The following PRDM16 variants were observed in gnomAD, a reference collection of about 807,000 sequenced individuals.
PRDM16 encodes the protein histone-lysine N-methyltransferase PRDM16.
PRDM16 carries 23 observed loss-of-function variants against 110.6 expected under a neutral mutation model. That is an observed-to-expected ratio of 0.21 (90% CI 0.15 to 0.29). The LOEUF is 0.29. Among genes scored for constraint, PRDM16 ranks in the 10% least tolerant of loss-of-function variants. The pLI is 1.00. For synonymous variants in PRDM16, 799 were observed against 781.8 expected, an observed-to-expected ratio of 1.02 and a Z score of -0.37; for missense variants, 1,615 against 1,794.3, an observed-to-expected ratio of 0.90 and a Z score of 1.81.
intron 1 of PRDM16, among the ~76,000 whole-genome samples, chr1:3,084,928 G>A (rs1570222356): frequency 2.0e-5 from 3 of 152,310 alleles, no homozygotes; most frequent in Admixed American, 1.3e-4. Flanking sequence ...CTGCCAGGTG[G>A]AGAGGAGCTC....
intron 1 of PRDM16, among the ~76,000 whole-genome samples, chr1:3,134,517 C>A (rs1222116475): frequency 1.3e-5 from 2 of 152,228 alleles, no homozygotes; most frequent in South Asian, 2.1e-4. Context: ...GAACTCGCAC[C>A]CTTGTGCACT....
chr1:3,287,298 T>C (rs764966642), intron 3 of PRDM16, among the ~76,000 whole-genome samples: 122 of 137,670 alleles, frequency 8.9e-4, no homozygotes, highest in Admixed American at 2.1e-3. Context: ...CAGGATTGCA[T>C]TTACCGGGGC....
At chr1:3,295,790 T>TGCA (rs1193853958) in intron 3 of PRDM16, among the ~76,000 whole-genome samples, 2 of 152,144 alleles carry the variant, frequency 1.3e-5, no homozygotes, top group African/African-American at 2.4e-5. Flanking sequence ...ACACCACGCG[T>TGCA]GCAGCCTGAG....
At chr1:3,238,496 G>A (rs892373177) in intron 2 of PRDM16, among the ~76,000 whole-genome samples, 4 of 152,310 alleles carry the variant, frequency 2.6e-5, no homozygotes, top group Admixed American at 1.3e-4. Flanking sequence ...GCTCAAACAC[G>A]GCCAAGCTGA....
At chr1:3,408,716 G>T (rs79621829) in intron 8 of PRDM16, among the ~76,000 whole-genome samples, 1 of 151,894 alleles carries the variant, frequency 6.6e-6, no homozygotes, top group Non-Finnish European at 1.5e-5. Context: ...GTGCATGAGA[G>T]TGTGTGAGTG....
intron 3 of PRDM16, among the ~76,000 whole-genome samples, chr1:3,286,307 G>A (rs919082652): frequency 5.9e-5 from 9 of 152,250 alleles, no homozygotes; most frequent in Non-Finnish European, 1.3e-4. Flanking sequence ...ACCAAGGGGG[G>A]CCGCAACTGC....
intron 1 of PRDM16, among the ~76,000 whole-genome samples, chr1:3,118,106 T>TGTGTGC (rs1643007564): frequency 6.6e-6 from 1 of 150,836 alleles, no homozygotes; most frequent in African/African-American, 2.5e-5. Context: ...TACATGCATG[T>TGTGTGC]GTGTGTGCGT....
intron 2 of PRDM16, among the ~76,000 whole-genome samples, chr1:3,188,121 A>G (rs752949652): frequency 2.0e-5 from 3 of 152,208 alleles, no homozygotes; most frequent in Non-Finnish European, 2.9e-5. Flanking sequence ...GACCAAGGAG[A>G]GCATTTTTCT....
intron 4 of PRDM16, 42 bp from the exon 5 acceptor site, chr1:3,396,449 A>G (rs1200943003): frequency 8.5e-6 from 10 of 1,178,526 alleles, no homozygotes; most frequent in East Asian, 2.5e-5. Context: ...CCAGACACCA[A>G]CAAACCACAC....
intron 3 of PRDM16, among the ~76,000 whole-genome samples, chr1:3,302,014 T>C (rs1418205937): frequency 6.6e-6 from 1 of 152,208 alleles, no homozygotes; most frequent in Non-Finnish European, 1.5e-5. Context: ...TTGATATAAG[T>C]AGACGGTTCA....
At chr1:3,234,183 T>C (rs1639486559) in intron 2 of PRDM16, among the ~76,000 whole-genome samples, 1 of 152,192 alleles carries the variant, frequency 6.6e-6, no homozygotes, top group African/African-American at 2.4e-5. Context: ...GGTTCATCCC[T>C]GACTCATCCC....
chr1:3,247,609 G>T (rs1639817005), intron 3 of PRDM16, among the ~76,000 whole-genome samples: 1 of 152,236 alleles, frequency 6.6e-6, no homozygotes. Context: ...GGACTCCCGC[G>T]TTCCCTCTGT....
At chr1:3,391,237 G>A (rs144213488) in intron 4 of PRDM16, among the ~76,000 whole-genome samples, 5 of 152,218 alleles carry the variant, frequency 3.3e-5, no homozygotes, top group South Asian at 4.2e-4. Flanking sequence ...TGAAATGGGC[G>A]GGAGGAGGGC....
intron 1 of PRDM16, among the ~76,000 whole-genome samples, chr1:3,095,955 A>ACACT (rs1469888021): frequency 6.6e-6 from 1 of 151,868 alleles, no homozygotes; most frequent in Non-Finnish European, 1.5e-5. Context: ...GTGGAACGTC[A>ACACT]CACTCCCTCC....
intron 1 of PRDM16, among the ~76,000 whole-genome samples, chr1:3,083,509 C>A (rs1642077218): frequency 6.6e-6 from 1 of 152,126 alleles, no homozygotes; most frequent in African/African-American, 2.4e-5. Flanking sequence ...GCTTCTTCAT[C>A]ATTTCTGTGA....
chr1:3,297,184 G>A (rs1010725969), intron 3 of PRDM16, among the ~76,000 whole-genome samples: 3 of 152,208 alleles, frequency 2.0e-5, no homozygotes, highest in East Asian at 1.9e-4. Flanking sequence ...TCCAGGTCCC[G>A]GCGTCTCCTT....
At chr1:3,235,024 C>T (rs749585972) in intron 2 of PRDM16, among the ~76,000 whole-genome samples, 7 of 152,226 alleles carry the variant, frequency 4.6e-5, no homozygotes, top group Non-Finnish European at 7.3e-5. Context: ...CACTTAGAAC[C>T]ATCAGCTTCA....
At position 3,206,501 on chromosome 1, in the gene PRDM16, A is replaced by G. The variant is rs1270381399; in HGVS notation, c.387+20027A>G. 6.6e-6 allele frequency: 1 copy of G among 152,140 alleles called. No individual in the cohort carries two copies. The highest frequency in any genetic ancestry group is 2.4e-5 in the African/African-American group (1 of 41,412). 9.4% of individuals were successfully genotyped at this position (152,140 alleles called of 1,614,324 possible). The stretch of plus-strand genomic sequence containing the variant: ...CGCACACGCCTTCACGCATCCTCAG[A>G]AAGTGATGTTGCTGAGTGAATAGAA... On this transcript the variant is annotated intron_variant, in intron 2 of 16. Transcript: ENST00000270722. The surrounding 1 kb of genome is among the most constrained non-coding windows in gnomAD (Gnocchi z 4.9).
At chr1:3,355,750 A>G (rs1338776367) in intron 3 of PRDM16, among the ~76,000 whole-genome samples, 1 of 152,128 alleles carries the variant, frequency 6.6e-6, no homozygotes, top group African/African-American at 2.4e-5. Flanking sequence ...GAGGGTCTGA[A>G]CCGTTCAGGG....
Sources: allele counts gnomAD v4.1 joint callset (sites outside exome capture counted in the v4.1 genomes callset), GRCh38; gene constraint gnomAD v4.1.1; non-coding constraint Gnocchi (gnomAD v3.1); transcripts MANE v1.5; gene names NCBI Gene and HGNC (gene_info 2026-07-23, HGNC 2026-07-21).